ATF6: variants seen among roughly 807,000 people sequenced by gnomAD.
ATF6 encodes activating transcription factor 6.
In ATF6, 53 loss-of-function variants were observed where a neutral mutation model predicts 83.6. The observed-to-expected ratio is 0.63, with a 90% confidence interval of 0.51 to 0.80. ATF6 has a LOEUF of 0.80. ATF6 is among the 30% of genes least tolerant of loss of function. The probability of loss-of-function intolerance (pLI) is 0.00; values close to 1 mark genes in which losing one functional copy is unlikely to be tolerated. For missense variants in ATF6, 744 were observed against 797.9 expected (o/e 0.93, Z 0.81); for synonymous variants, 288 against 285.8 (o/e 1.01, Z -0.08).
intron 15 of ATF6, among the ~76,000 whole-genome samples, chr1:161,945,784 G>A (rs1688735266): frequency 6.6e-6 from 1 of 152,164 alleles, no homozygotes; most frequent in African/African-American, 2.4e-5. Flanking sequence ...TAGAAGCTAT[G>A]TTATATAAGC....
At chr1:161,861,210 C>T (rs910612519) in intron 13 of ATF6, among the ~76,000 whole-genome samples, 8 of 152,138 alleles carry the variant, frequency 5.3e-5, no homozygotes, top group Non-Finnish European at 1.2e-4. Flanking sequence ...ATCTGTAGCT[C>T]TACCACACAT....
At chr1:161,828,221 T>G (rs1248571402) in intron 9 of ATF6, among the ~76,000 whole-genome samples, 1 of 152,158 alleles carries the variant, frequency 6.6e-6, no homozygotes, top group Non-Finnish European at 1.5e-5. Flanking sequence ...AACCTTAACC[T>G]TTTGTTTTTG....
At chr1:161,825,986 C>A (rs754618686) in intron 9 of ATF6, among the ~76,000 whole-genome samples, 10 of 152,134 alleles carry the variant, frequency 6.6e-5, no homozygotes, top group Non-Finnish European at 1.3e-4. Flanking sequence ...TCTTCTTACC[C>A]CCTATCACTC....
At chr1:161,801,464 A>C (rs1243130464) in intron 6 of ATF6, among the ~76,000 whole-genome samples, 1 of 136,976 alleles carries the variant, frequency 7.3e-6, no homozygotes, top group African/African-American at 2.8e-5. Flanking sequence ...GCTAATTTTT[A>C]AATTTTTTTT....
At chr1:161,846,790 G>A (rs1557992639) in intron 10 of ATF6, among the ~76,000 whole-genome samples, 1 of 151,994 alleles carries the variant, frequency 6.6e-6, no homozygotes, top group East Asian at 1.9e-4. Context: ...AATTCCTATA[G>A]AGATGTAATC....
intron 14 of ATF6, among the ~76,000 whole-genome samples, chr1:161,864,764 A>G (rs924963829): frequency 2.0e-5 from 3 of 152,222 alleles, no homozygotes; most frequent in Admixed American, 6.5e-5. Flanking sequence ...GTTTCTTTTC[A>G]GCAGCAAGGG....
intron 1 of ATF6, among the ~76,000 whole-genome samples, chr1:161,777,580 G>A (rs1007260503): frequency 6.6e-6 from 1 of 152,228 alleles, no homozygotes; most frequent in Non-Finnish European, 1.5e-5. Flanking sequence ...AGATTCTATG[G>A]TGAGGAGCCT....
chr1:161,800,845 C>T (rs1432226315), intron 6 of ATF6, among the ~76,000 whole-genome samples: 1 of 152,192 alleles, frequency 6.6e-6, no homozygotes, highest in Non-Finnish European at 1.5e-5. Flanking sequence ...GCCTCATTAA[C>T]AAGTTTTTGT....
intron 15 of ATF6, among the ~76,000 whole-genome samples, chr1:161,921,896 A>G (rs1688219767): frequency 6.6e-6 from 1 of 152,178 alleles, no homozygotes; most frequent in Non-Finnish European, 1.5e-5. Flanking sequence ...CTTTTACAAG[A>G]TAACAAAGCT....
At chr1:161,770,623 C>G (rs1359289260) in intron 1 of ATF6, among the ~76,000 whole-genome samples, 2 of 152,164 alleles carry the variant, frequency 1.3e-5, no homozygotes, top group Non-Finnish European at 2.9e-5. Flanking sequence ...CTCCTAAAGA[C>G]TGTATCTCTC....
At chr1:161,946,411 CTA>C (rs1397023459) in intron 15 of ATF6, among the ~76,000 whole-genome samples, 1 of 152,220 alleles carries the variant, frequency 6.6e-6, no homozygotes, top group Non-Finnish European at 1.5e-5. Flanking sequence ...TCCAGAAAGA[CTA>C]TGTTTTTGCT....
intron 4 of ATF6, 57 bp from the exon 5 acceptor site, chr1:161,791,351 A>G (rs1483387585): frequency 6.7e-6 from 10 of 1,486,180 alleles, no homozygotes; most frequent in East Asian, 4.7e-5. Flanking sequence ...CTCCTTTTCT[A>G]TGCAATTTGC....
intron 14 of ATF6, among the ~76,000 whole-genome samples, chr1:161,904,285 TG>T (rs1306915260): frequency 6.6e-6 from 1 of 152,156 alleles, no homozygotes; most frequent in Non-Finnish European, 1.5e-5. Context: ...ACCTTAAAAA[TG>T]CACTTTAAAA....
intron 14 of ATF6, among the ~76,000 whole-genome samples, chr1:161,885,578 TATATA>T (rs1012268609): frequency 9.2e-5 from 14 of 152,250 alleles, no homozygotes; most frequent in South Asian, 8.3e-4. Flanking sequence ...AATGGGTTTT[TATATA>T]ATATAATATA....
rs765227439 is a variant in ATF6, at chr1:161,962,334, C to G, written c.*3680C>G. On this transcript the variant is annotated 3_prime_UTR_variant, in exon 16 of 16. Transcript: ENST00000367942. ...TAAAGAGACATCATCCTGACTAAAT[C>G]TTAGCCTGAACCTTCCTCCCCTGTG... The G allele has an allele frequency of 6.6e-6, 1 of 152,166 alleles. No homozygotes were observed. The highest frequency in any genetic ancestry group is 1.5e-5 in the Non-Finnish European group (1 of 68,028). 9.4% of individuals were successfully genotyped at this position (152,166 alleles called of 1,614,324 possible). A position where few individuals can be genotyped will look rare whatever the true frequency, so the allele number is the denominator to read the frequency against.
At chr1:161,868,857 A>G (rs1687066288) in intron 14 of ATF6, among the ~76,000 whole-genome samples, 1 of 152,108 alleles carries the variant, frequency 6.6e-6, no homozygotes, top group African/African-American at 2.4e-5. Context: ...AATTCACCTG[A>G]GTGTAGTGTT....
chr1:161,783,282 T>C (rs1684677372), intron 3 of ATF6, among the ~76,000 whole-genome samples: 1 of 152,090 alleles, frequency 6.6e-6, no homozygotes, highest in Non-Finnish European at 1.5e-5. Flanking sequence ...TCGACTCTAC[T>C]TCTTGGTGGG....
intron 15 of ATF6, among the ~76,000 whole-genome samples, chr1:161,939,530 A>G (rs1186486484): frequency 2.0e-5 from 3 of 152,184 alleles, no homozygotes; most frequent in Non-Finnish European, 4.4e-5. Context: ...ATGAAAGTTG[A>G]TTTCTTTTTC....
chr1:161,853,156 CA>C, intron 11 of ATF6, 67 bp from the exon 12 acceptor site: 1 of 1,108,482 alleles, frequency 9.0e-7, no homozygotes. Context: ...TTTCCACCCA[CA>C]GGGTGAAACA....
Sources: allele counts gnomAD v4.1 joint callset (sites outside exome capture counted in the v4.1 genomes callset), GRCh38; gene constraint gnomAD v4.1.1; transcripts MANE v1.5; gene names NCBI Gene and HGNC (gene_info 2026-07-23, HGNC 2026-07-21).